PAH: variants seen among roughly 807,000 people sequenced by gnomAD.
The protein encoded by PAH is phenylalanine hydroxylase.
PAH carries 64 observed loss-of-function variants against 62.0 expected under a neutral mutation model. The observed-to-expected ratio is 1.03, with a 90% CI of 0.84 to 1.27. The LOEUF (loss-of-function observed/expected upper bound fraction) is 1.27. PAH is among the 50% of genes most tolerant of loss of function. PAH has a pLI of 0.00. For missense variants in PAH, 579 were observed against 542.8 expected (o/e 1.07, Z -0.66); for synonymous variants, 195 against 196.2 (o/e 0.99, Z 0.05).
At chr12:102,841,258 T>G (rs114492850) in intron 11 of PAH, among the ~76,000 whole-genome samples, 2,099 of 152,274 alleles carry the variant, frequency 0.014, 65 homozygotes, top group African/African-American at 0.048. Flanking sequence ...AAATCCACCA[T>G]GAGGGCCTCT....
chr12:102,952,323 T>C (rs1386211573), upstream of PAH, among the ~76,000 whole-genome samples: 1 of 152,160 alleles, frequency 6.6e-6, no homozygotes, highest in Non-Finnish European at 1.5e-5. Context: ...AAGTTTTTTT[T>C]TTCTTCTCCA....
chr12:102,847,830 C>T (rs1338210676), intron 8 of PAH, among the ~76,000 whole-genome samples: 3 of 152,202 alleles, frequency 2.0e-5, no homozygotes, highest in South Asian at 4.2e-4. Flanking sequence ...ATACTGACTT[C>T]TGAGGGAAGC....
chr12:102,867,022 T>G (rs1259340995), intron 4 of PAH, among the ~76,000 whole-genome samples: 1 of 152,218 alleles, frequency 6.6e-6, no homozygotes, highest in Admixed American at 6.5e-5. Context: ...AATTCCTGAT[T>G]AAGGTTTGTG....
Position 102,917,061 on chromosome 12 carries a change from C to G in PAH, c.60+10G>C, listed in dbSNP as rs1878409841. The G allele has an allele frequency of 1.2e-6, 2 of 1,613,896 alleles. No homozygotes were observed. Among genetic ancestry groups the G allele is most frequent in the Non-Finnish European group, 1.7e-6 (2 of 1,179,888 alleles). On this transcript the variant is annotated intron_variant, in intron 1 of 12. Coordinates refer to ENST00000553106, the MANE Select transcript of PAH (RefSeq NM_000277.3). ...CCCCTAACTGAGCAGCTCAGGCTGC[C>G]GTGGCTCACCTGTCCAAAGTCAGAG...
intron 3 of PAH, among the ~76,000 whole-genome samples, chr12:102,892,269 G>A (rs867961028): frequency 2.6e-5 from 4 of 152,162 alleles, no homozygotes; most frequent in Non-Finnish European, 5.9e-5. Flanking sequence ...GGTGGATCTT[G>A]TCTCATTTTA....
chr12:102,839,030 C>T lies in PAH; in HGVS notation c.*145G>A. 1.5e-5 allele frequency: 11 copies of T among 721,814 alleles called. No individual in the cohort carries two copies. In the South Asian group the frequency reaches 1.7e-4, roughly 11 times the overall value. The allele number at this position is 721,814 out of a possible 1,614,324, so 44.7% of individuals were successfully genotyped here. On this transcript the variant is annotated 3_prime_UTR_variant, in exon 13 of 13. Coordinates refer to ENST00000553106, the MANE Select transcript of PAH (RefSeq NM_000277.3). Reference sequence around the variant, plus strand: ...ATCCTGTCATTTCAGATTATTTTGACTTATTTGTTGTTTCTCCATCTTGTA... The same window carrying T: ...ATCCTGTCATTTCAGATTATTTTGATTTATTTGTTGTTTCTCCATCTTGTA...
chr12:102,844,077 G>A (rs1186989112), intron 10 of PAH, among the ~76,000 whole-genome samples: 1 of 152,042 alleles, frequency 6.6e-6, no homozygotes, highest in Non-Finnish European at 1.5e-5. Context: ...ATACTCACAA[G>A]GCTGCATGCA....
At chr12:102,950,818 G>A (rs1414493697) in exon 1 of PAH, 1 of 152,210 alleles carries the variant, frequency 6.6e-6, no homozygotes, top group Non-Finnish European at 1.5e-5. Context: ...CCACCCGCTT[G>A]GGGGCTGAGA....
At chr12:102,846,192 A>G (rs981340689) in intron 9 of PAH, among the ~76,000 whole-genome samples, 3 of 152,226 alleles carry the variant, frequency 2.0e-5, no homozygotes, top group Non-Finnish European at 4.4e-5. Context: ...CAGTGAGAAG[A>G]TAACCTTCTG....
intron 8 of PAH, among the ~76,000 whole-genome samples, chr12:102,851,291 AG>A (rs1307116000): frequency 6.6e-6 from 1 of 152,162 alleles, no homozygotes; most frequent in Non-Finnish European, 1.5e-5. Context: ...ACTTAATTCA[AG>A]CATATACACA....
At chr12:102,933,224 GA>G (rs1280585581) in intron 1 of PAH, among the ~76,000 whole-genome samples, 2 of 152,072 alleles carry the variant, frequency 1.3e-5, no homozygotes, top group Non-Finnish European at 2.9e-5. Flanking sequence ...TGAGAACATG[GA>G]AAGTTTGTCT....
intron 9 of PAH, among the ~76,000 whole-genome samples, chr12:102,846,665 A>G (rs968794126): frequency 4.6e-5 from 7 of 152,246 alleles, no homozygotes; most frequent in African/African-American, 1.2e-4. Context: ...GGTTCAAGAT[A>G]CTGCTTAAAA....
At chr12:102,909,633 C>T (rs1343995861) in intron 2 of PAH, among the ~76,000 whole-genome samples, 1 of 152,084 alleles carries the variant, frequency 6.6e-6, no homozygotes, top group African/African-American at 2.4e-5. Flanking sequence ...TATATTTGAT[C>T]ACAAGATTTA....
chr12:102,873,593 C>T (rs1876446637), intron 4 of PAH, among the ~76,000 whole-genome samples: 1 of 152,182 alleles, frequency 6.6e-6, no homozygotes, highest in Non-Finnish European at 1.5e-5. Context: ...CTAACCATTC[C>T]AGTACACAGT....
At chr12:102,951,721 A>C (rs929697711), upstream of PAH, among the ~76,000 whole-genome samples, 3 of 152,204 alleles carry the variant, frequency 2.0e-5, no homozygotes. Flanking sequence ...GGTTCTATTC[A>C]GAAAACAGTT....
intron 4 of PAH, among the ~76,000 whole-genome samples, chr12:102,867,140 A>T (rs1180309944): frequency 6.6e-6 from 1 of 152,222 alleles, no homozygotes; most frequent in Non-Finnish European, 1.5e-5. Flanking sequence ...CCAGTTTGTG[A>T]GTACTAGGAA....
At chr12:102,944,607 G>A (rs7314969) in intron 1 of PAH, among the ~76,000 whole-genome samples, 46,501 of 151,998 alleles carry the variant, frequency 0.31, 7,958 homozygotes, top group African/African-American at 0.47. Flanking sequence ...CTTTTTAATT[G>A]TTTTAAATTT....
chr12:102,891,328 T>A (rs77225688), intron 3 of PAH, among the ~76,000 whole-genome samples: 5,081 of 152,134 alleles, frequency 0.033, 103 homozygotes, highest in African/African-American at 0.058. Flanking sequence ...CCCTTGCGCA[T>A]GACCCCCCAG....
At chr12:102,886,811 T>C (rs1877060779) in intron 3 of PAH, among the ~76,000 whole-genome samples, 3 of 151,880 alleles carry the variant, frequency 2.0e-5, no homozygotes, top group Admixed American at 1.3e-4. Context: ...AATGCATGGG[T>C]CTAGGCACCA....
Sources: allele counts gnomAD v4.1 joint callset (sites outside exome capture counted in the v4.1 genomes callset), GRCh38; gene constraint gnomAD v4.1.1; transcripts MANE v1.5; gene names NCBI Gene and HGNC (gene_info 2026-07-23, HGNC 2026-07-21).